The following SGCZ variants were observed in gnomAD, a reference collection of about 807,000 sequenced individuals.
SGCZ encodes the protein sarcoglycan zeta, also known as zeta-sarcoglycan.
A neutral mutation model predicts 41.3 loss-of-function variants in SGCZ; 40 were observed. That is an observed-to-expected ratio of 0.97 (90% CI 0.75 to 1.26). The LOEUF (loss-of-function observed/expected upper bound fraction) is 1.26, where lower values mean the gene tolerates loss of function less well. Among genes scored for constraint, SGCZ ranks in the 50% most tolerant of loss-of-function variants. The pLI is 0.00. For synonymous variants in SGCZ, 206 were observed against 137.5 expected (o/e 1.50, Z -3.49); for missense variants, 552 against 369.8 (o/e 1.49, Z -4.04).
intron 1 of SGCZ, among the ~76,000 whole-genome samples, chr8:14,801,151 C>T (rs1899364): frequency 0.45 from 67,690 of 152,032 alleles, 15,724 homozygotes; most frequent in East Asian, 0.73. Flanking sequence ...ACGAAGATCG[C>T]ATTGGTCATG....
chr8:14,514,595 T>C (rs575576554), intron 2 of SGCZ, among the ~76,000 whole-genome samples: 1 of 150,578 alleles, frequency 6.6e-6, no homozygotes, highest in Non-Finnish European at 1.5e-5. Context: ...TACATTTATA[T>C]AAATATATAT....
chr8:14,805,898 A>C (rs1026772997), intron 1 of SGCZ, among the ~76,000 whole-genome samples: 24 of 150,906 alleles, frequency 1.6e-4, no homozygotes, highest in Non-Finnish European at 3.0e-5. Context: ...CCACAGTGCA[A>C]TCAAACTAGA....
intron 5 of SGCZ, among the ~76,000 whole-genome samples, chr8:14,151,306 T>G (rs7846577): frequency 6.6e-6 from 1 of 152,062 alleles, no homozygotes; most frequent in Non-Finnish European, 1.5e-5. Flanking sequence ...GCATACTATA[T>G]GCCAAAGAAA....
chr8:14,674,927 T>G (rs571140611), intron 1 of SGCZ, among the ~76,000 whole-genome samples: 1 of 89,454 alleles, frequency 1.1e-5, no homozygotes, highest in South Asian at 3.7e-4. Context: ...TTTTCTTTTC[T>G]GTTTTTTTTT....
intron 1 of SGCZ, among the ~76,000 whole-genome samples, chr8:14,606,517 C>G (rs943137323): frequency 1.3e-5 from 2 of 152,172 alleles, no homozygotes; most frequent in Non-Finnish European, 2.9e-5. Flanking sequence ...TTCTGGTATC[C>G]ACCTAAATGG....
intron 5 of SGCZ, among the ~76,000 whole-genome samples, chr8:14,154,045 A>G (rs1387615718): frequency 6.6e-6 from 1 of 152,018 alleles, no homozygotes. Flanking sequence ...TGGCACCCTG[A>G]TCTCGAACTT....
chr8:15,167,367 T>C (rs555488778), intron 1 of SGCZ, among the ~76,000 whole-genome samples: 2 of 152,346 alleles, frequency 1.3e-5, no homozygotes, highest in African/African-American at 4.8e-5. Flanking sequence ...ACGTAGTCCC[T>C]GTACAGGGTT....
intron 2 of SGCZ, among the ~76,000 whole-genome samples, chr8:14,486,032 G>A (rs542891485): frequency 7.2e-5 from 11 of 151,936 alleles, no homozygotes; most frequent in Non-Finnish European, 1.5e-4. Flanking sequence ...TAGTAGAGAC[G>A]GGGTAGAACA....
chr8:14,575,981 T>C (rs563403883), intron 1 of SGCZ, among the ~76,000 whole-genome samples: 211 of 151,542 alleles, frequency 1.4e-3, no homozygotes, highest in African/African-American at 4.9e-3. Context: ...TTTTTATATA[T>C]TGACATTCAT....
chr8:15,098,333 T>C (rs1236507282), intron 1 of SGCZ, among the ~76,000 whole-genome samples: 1 of 152,190 alleles, frequency 6.6e-6, no homozygotes, highest in Non-Finnish European at 1.5e-5. Context: ...TTGGTAATTA[T>C]GTTAGATGCA....
intron 2 of SGCZ, among the ~76,000 whole-genome samples, chr8:14,417,569 T>C (rs1287821266): frequency 6.6e-6 from 1 of 151,870 alleles, no homozygotes; most frequent in Non-Finnish European, 1.5e-5. Context: ...TTAATTTCGT[T>C]TCTTACATTC....
At chr8:14,477,291 C>T (rs73525373) in intron 2 of SGCZ, among the ~76,000 whole-genome samples, 2,573 of 152,210 alleles carry the variant, frequency 0.017, 87 homozygotes, top group African/African-American at 0.059. Flanking sequence ...ACCACCACCA[C>T]AGCAAAACCC....
intron 1 of SGCZ, among the ~76,000 whole-genome samples, chr8:14,789,063 C>T (rs1002400935): frequency 6.6e-6 from 1 of 152,142 alleles, no homozygotes; most frequent in African/African-American, 2.4e-5. Context: ...TCACAGCCAA[C>T]AACCCTGCGC....
intron 1 of SGCZ, among the ~76,000 whole-genome samples, chr8:14,783,484 G>A (rs906287711): frequency 1.9e-4 from 29 of 151,244 alleles, no homozygotes; most frequent in African/African-American, 7.0e-4. Flanking sequence ...TAGAAGTATA[G>A]CACAGAAGAA....
At chr8:14,478,583 C>CTACT (rs149871040) in intron 2 of SGCZ, among the ~76,000 whole-genome samples, 8,580 of 152,090 alleles carry the variant, frequency 0.056, 774 homozygotes, top group African/African-American at 0.19. Context: ...CAGTGAAACG[C>CTACT]TACTGTAAAA....
intron 1 of SGCZ, among the ~76,000 whole-genome samples, chr8:14,894,073 A>G (rs1805112080): frequency 6.6e-6 from 1 of 152,206 alleles, no homozygotes; most frequent in South Asian, 2.1e-4. Context: ...TATAAGAAAT[A>G]TTTAATTAAT....
At chr8:15,201,267 T>A (rs748035954) in intron 1 of SGCZ, among the ~76,000 whole-genome samples, 7 of 152,134 alleles carry the variant, frequency 4.6e-5, no homozygotes, top group Non-Finnish European at 1.0e-4. Context: ...TCTGCCCACC[T>A]CAGCCTCCCA....
intron 2 of SGCZ, among the ~76,000 whole-genome samples, chr8:14,330,678 T>A (rs574964111): frequency 5.3e-5 from 8 of 152,156 alleles, no homozygotes; most frequent in Middle Eastern, 3.4e-3. Flanking sequence ...TGCAATGATC[T>A]CATGGTAATT....
chr8:14,535,639 A>C (rs1303996115), intron 2 of SGCZ, among the ~76,000 whole-genome samples: 2 of 151,952 alleles, frequency 1.3e-5, no homozygotes, highest in Non-Finnish European at 1.5e-5. Flanking sequence ...AAAATTTATT[A>C]GATTTACATA....
Sources: allele counts gnomAD v4.1 joint callset (sites outside exome capture counted in the v4.1 genomes callset), GRCh38; gene constraint gnomAD v4.1.1; transcripts MANE v1.5; gene names NCBI Gene and HGNC (gene_info 2026-07-23, HGNC 2026-07-21).